The following WDR72 variants were observed in gnomAD, a reference collection of about 807,000 sequenced individuals.
WDR72 encodes WD repeat domain 72.
In WDR72, 120 loss-of-function variants were observed where a neutral mutation model predicts 124.2. The ratio of observed to expected loss-of-function variants is 0.97; its 90% CI spans 0.83 to 1.12. The LOEUF (loss-of-function observed/expected upper bound fraction) is 1.12. Among genes scored for constraint, WDR72 ranks in the 50% most tolerant of loss-of-function variants. The pLI is 0.00. For synonymous variants in WDR72, 452 were observed against 441.7 expected (o/e 1.02, Z -0.29); for missense variants, 1,387 against 1,278.8 (o/e 1.08, Z -1.29).
chr15:53,722,829 G>C lies in WDR72; in HGVS notation c.233C>G (p.Pro78Arg). Residue 78 changes from proline to arginine, a missense_variant, in exon 3 of 20, where the codon CCC (proline) becomes CGC (arginine). Physicochemically the swap from Pro to Arg is moderately radical, Grantham distance 103. Coordinates refer to ENST00000360509, the MANE Select transcript of WDR72 (RefSeq NM_182758.4). ...LARARDFSKQ[P>R]YIVSAAENGE... Reference sequence around the variant, plus strand: ...ATTTTCAGCAGCACTAACAATGTAGGGCTGTTTAGAGAAGTCCCTTGCTCT... The same window carrying C: ...ATTTTCAGCAGCACTAACAATGTAGCGCTGTTTAGAGAAGTCCCTTGCTCT... The C allele has an allele frequency of 1.2e-6, 2 of 1,612,964 alleles. No homozygotes were observed. The highest frequency in any genetic ancestry group is 1.7e-6 in the Non-Finnish European group (2 of 1,179,966).
At chr15:53,550,885 G>A (rs759944364) in intron 18 of WDR72, among the ~76,000 whole-genome samples, 10 of 152,076 alleles carry the variant, frequency 6.6e-5, no homozygotes, top group Non-Finnish European at 1.0e-4. Context: ...ATCTGACTAG[G>A]AGACACACAA....
intron 18 of WDR72, among the ~76,000 whole-genome samples, chr15:53,589,025 C>T (rs1028945368): frequency 6.6e-6 from 1 of 151,762 alleles, no homozygotes; most frequent in Non-Finnish European, 1.5e-5. Context: ...GGCAGCGGCT[C>T]CTTAGAAACT....
At chr15:53,695,340 G>C (rs1490254731) in intron 13 of WDR72, among the ~76,000 whole-genome samples, 1 of 152,114 alleles carries the variant, frequency 6.6e-6, no homozygotes, top group Non-Finnish European at 1.5e-5. Flanking sequence ...ATTCTTAAAA[G>C]AATAATTAGC....
intron 17 of WDR72, among the ~76,000 whole-genome samples, chr15:53,599,146 T>A (rs2012924608): frequency 1.3e-5 from 2 of 152,058 alleles, no homozygotes; most frequent in Admixed American, 6.6e-5. Flanking sequence ...GAGATACATA[T>A]ATATTAAGTA....
At chr15:53,645,876 C>T (rs1174196122) in intron 14 of WDR72, among the ~76,000 whole-genome samples, 1 of 152,080 alleles carries the variant, frequency 6.6e-6, no homozygotes, top group Non-Finnish European at 1.5e-5. Context: ...TTTTGCTAGT[C>T]TCCTTTAAAT....
chr15:53,604,390 C>A (rs2013182121), intron 17 of WDR72, among the ~76,000 whole-genome samples: 1 of 152,130 alleles, frequency 6.6e-6, no homozygotes, highest in Non-Finnish European at 1.5e-5. Context: ...GGAAGATAAC[C>A]TAAGCAATAC....
chr15:53,687,813 A>G (rs1293302061), intron 13 of WDR72, among the ~76,000 whole-genome samples: 2 of 149,646 alleles, frequency 1.3e-5, no homozygotes, highest in African/African-American at 5.0e-5. Flanking sequence ...AAAATCCTCA[A>G]TAAAATACTG....
chr15:53,673,691 G>A (rs1313807229), intron 13 of WDR72, among the ~76,000 whole-genome samples: 2 of 152,216 alleles, frequency 1.3e-5, no homozygotes, highest in Middle Eastern at 3.4e-3. Context: ...ATATTTCATT[G>A]TGAAAAAAGC....
intron 18 of WDR72, among the ~76,000 whole-genome samples, chr15:53,588,482 G>A (rs1329653185): frequency 4.6e-5 from 7 of 151,942 alleles, no homozygotes; most frequent in South Asian, 2.1e-4. Flanking sequence ...GAAATGTTTC[G>A]AGTTATTCAA....
intron 18 of WDR72, among the ~76,000 whole-genome samples, chr15:53,544,633 T>C (rs913789572): frequency 6.8e-6 from 1 of 147,920 alleles, no homozygotes; most frequent in African/African-American, 2.6e-5. Context: ...ACCACTCCTA[T>C]TCAACATAGT....
At chr15:53,602,666 C>T (rs986184289) in intron 17 of WDR72, among the ~76,000 whole-genome samples, 4 of 151,832 alleles carry the variant, frequency 2.6e-5, no homozygotes, top group Admixed American at 2.6e-4. Context: ...TACCACTGAC[C>T]CAACAGAAAA....
At chr15:53,607,109 A>G (rs7178691) in intron 17 of WDR72, among the ~76,000 whole-genome samples, 96,147 of 151,908 alleles carry the variant, frequency 0.63, 31,393 homozygotes, top group Middle Eastern at 0.84. Flanking sequence ...TCATCGAATC[A>G]ACGCACAACT....
intron 18 of WDR72, among the ~76,000 whole-genome samples, chr15:53,529,164 A>ATTTTTTTTTTT (rs1221581823): frequency 3.8e-5 from 3 of 78,162 alleles, no homozygotes; most frequent in Admixed American, 1.4e-4. Flanking sequence ...ATATATATAT[A>ATTTTTTTTTTT]TTTTTTTTTT....
chr15:53,536,485 C>T (rs79683067), intron 18 of WDR72, among the ~76,000 whole-genome samples: 2,245 of 152,182 alleles, frequency 0.015, 61 homozygotes, highest in African/African-American at 0.051. Context: ...TGGGGCTCAT[C>T]GGTCGACCTC....
intron 14 of WDR72, among the ~76,000 whole-genome samples, chr15:53,642,056 A>C (rs2140413391): frequency 6.6e-6 from 1 of 151,828 alleles, no homozygotes; most frequent in East Asian, 1.9e-4. Context: ...TATTTTAAAA[A>C]CTCATTTGAT....
chr15:53,681,852 TCCACA>T (rs1450556323), intron 13 of WDR72, among the ~76,000 whole-genome samples: 4 of 151,448 alleles, frequency 2.6e-5, no homozygotes, highest in Non-Finnish European at 5.9e-5. Context: ...CACACACACA[TCCACA>T]AATACCTGTG....
chr15:53,706,143 G>T, intron 9 of WDR72, 69 bp from the exon 10 acceptor site: 1 of 1,498,184 alleles, frequency 6.7e-7, no homozygotes, highest in Non-Finnish European at 9.2e-7. Context: ...GTTTTTAAAT[G>T]GAGAAACAAG....
chr15:53,696,270 C>A (rs1389090877), intron 13 of WDR72, among the ~76,000 whole-genome samples: 2 of 152,110 alleles, frequency 1.3e-5, no homozygotes, highest in African/African-American at 4.8e-5. Flanking sequence ...AACTAAAAGG[C>A]CAAGGCCCAG....
At chr15:53,668,311 A>G (rs190114436) in intron 13 of WDR72, among the ~76,000 whole-genome samples, 8 of 152,366 alleles carry the variant, frequency 5.3e-5, no homozygotes, top group African/African-American at 1.7e-4. Flanking sequence ...GAGTCAATCA[A>G]TTTCTGTAAA....
Sources: gnomAD v4.1 joint callset for allele counts (sites outside exome capture counted in the v4.1 genomes callset) on GRCh38, gnomAD v4.1.1 for gene constraint, MANE v1.5 for transcripts, NCBI Gene and HGNC (gene_info 2026-07-23, HGNC 2026-07-21) for gene names.